The following SREK1IP1 variants were observed in gnomAD, a reference collection of about 807,000 sequenced individuals.
The protein encoded by SREK1IP1 is SREK1 interacting protein 1.
In SREK1IP1, 12 loss-of-function variants were observed where a neutral mutation model predicts 22.8. That is an observed-to-expected ratio of 0.53 (90% CI 0.34 to 0.85). SREK1IP1 has a LOEUF of 0.85. Ranked by LOEUF, SREK1IP1 falls within the 40% of genes least tolerant of loss-of-function variation. The pLI is 0.02. For missense variants in SREK1IP1, 147 were observed against 171.8 expected (o/e 0.86, Z 0.81); for synonymous variants, 53 against 52.7 (o/e 1.01, Z -0.02).
At chr5:64,748,325 G>A (rs1199695644) in intron 2 of SREK1IP1, among the ~76,000 whole-genome samples, 1 of 152,158 alleles carries the variant, frequency 6.6e-6, no homozygotes, top group Non-Finnish European at 1.5e-5. Context: ...ATAAGGGCTG[G>A]GGAAAGGAGG....
chr5:64,730,103 A>G (rs1418663251), intron 3 of SREK1IP1, among the ~76,000 whole-genome samples: 1 of 152,190 alleles, frequency 6.6e-6, no homozygotes, highest in Non-Finnish European at 1.5e-5. Context: ...CGGGCTGAGA[A>G]GAGCAAGAAG....
At chr5:64,733,822 TAGTC>T (rs1014372250) in intron 3 of SREK1IP1, among the ~76,000 whole-genome samples, 5 of 152,192 alleles carry the variant, frequency 3.3e-5, no homozygotes, top group East Asian at 1.9e-4. Flanking sequence ...AATAACGAAT[TAGTC>T]AGTCTGTAGA....
In SREK1IP1 at chr5:64,754,087, C is replaced by T. The variant is rs1545678; in HGVS notation, c.61+228G>A. On this transcript the variant is annotated intron_variant, in intron 2 of 4. Coordinates refer to ENST00000513458, the MANE Select transcript of SREK1IP1 (RefSeq NM_173829.4). ...ACTACTAACCACCTGTATCTTCATG[C>T]TACTTTTGGTAGTCATCAGATACAT... 0.33 allele frequency among the ~76,000 whole-genome samples: 50,036 copies of T among 152,106 alleles called. 8,620 individuals are homozygous for T. The highest frequency in any genetic ancestry group is 0.51 in the East Asian group (2,645 of 5,166).
intron 2 of SREK1IP1, among the ~76,000 whole-genome samples, chr5:64,745,341 A>T (rs1281361421): frequency 1.3e-5 from 2 of 152,220 alleles, no homozygotes; most frequent in Non-Finnish European, 1.5e-5. Flanking sequence ...CTGTAATACC[A>T]GCACTTAGGG....
At chr5:64,747,369 T>C (rs998640920) in intron 2 of SREK1IP1, among the ~76,000 whole-genome samples, 12 of 152,122 alleles carry the variant, frequency 7.9e-5, no homozygotes, top group African/African-American at 2.7e-4. Flanking sequence ...ATCGCCTTAT[T>C]AGTATAAACT....
intron 1 of SREK1IP1, among the ~76,000 whole-genome samples, chr5:64,761,469 C>G (rs1186716618): frequency 6.6e-6 from 1 of 152,182 alleles, no homozygotes; most frequent in Non-Finnish European, 1.5e-5. Context: ...GTGATATAGC[C>G]TGCTATACAC....
chr5:64,741,157 G>A lies in SREK1IP1; in HGVS notation c.105C>T (p.Asp35=), dbSNP rs1406704165. The A allele has an allele frequency of 6.2e-7, 1 of 1,612,266 alleles. No homozygotes were observed. Among genetic ancestry groups the A allele is most frequent in the Non-Finnish European group, 8.5e-7 (1 of 1,179,028 alleles). Residue 35 remains aspartate (D), a synonymous_variant, in exon 3 of 5, where the codon GAC becomes GAT. Transcript: ENST00000513458. The part of the protein sequence containing the change: ...TFECRNFLRV[D]PKRDIVLDVS... Reference sequence around the variant, plus strand: ...CATCCAAAACTATGTCCCTTTTAGGGTCTACTCGGAGAAAATTGCGGCATT... The same window carrying A: ...CATCCAAAACTATGTCCCTTTTAGGATCTACTCGGAGAAAATTGCGGCATT...
intron 3 of SREK1IP1, among the ~76,000 whole-genome samples, chr5:64,729,211 T>C (rs1742331233): frequency 6.6e-6 from 1 of 152,228 alleles, no homozygotes; most frequent in African/African-American, 2.4e-5. Context: ...TGCTTATGTG[T>C]CAAGTACTGT....
At chr5:64,747,993 T>C (rs1291152432) in intron 2 of SREK1IP1, among the ~76,000 whole-genome samples, 2 of 152,196 alleles carry the variant, frequency 1.3e-5, no homozygotes, top group Non-Finnish European at 2.9e-5. Context: ...ATTCTGCTCC[T>C]ATGTACATAC....
At chr5:64,726,722 T>C (rs1386203938) in intron 4 of SREK1IP1, among the ~76,000 whole-genome samples, 5 of 152,130 alleles carry the variant, frequency 3.3e-5, no homozygotes, top group African/African-American at 1.2e-4. Flanking sequence ...TTAAATATGC[T>C]CAGAACACTT....
At chr5:64,751,557 TG>T (rs1334249962) in intron 2 of SREK1IP1, among the ~76,000 whole-genome samples, 2 of 152,190 alleles carry the variant, frequency 1.3e-5, no homozygotes, top group African/African-American at 2.4e-5. Context: ...CATTGGCATT[TG>T]GGGCCAGAAT....
chr5:64,757,861 CTTTTTTT>C (rs59456636), intron 1 of SREK1IP1, among the ~76,000 whole-genome samples: 11 of 72,962 alleles, frequency 1.5e-4, no homozygotes, highest in East Asian at 9.3e-4. Context: ...AGGTTCCTAT[CTTTTTTT>C]TTTTTTTTTT....
At chr5:64,740,944 G>C in intron 3 of SREK1IP1, 113 bp downstream of exon 3, 1 of 954,790 alleles carries the variant, frequency 1.0e-6, no homozygotes, top group Non-Finnish European at 1.5e-6. Flanking sequence ...TTCCTATGCA[G>C]TAGCTCTTAC....
intron 3 of SREK1IP1, among the ~76,000 whole-genome samples, chr5:64,730,356 T>C (rs1580538706): frequency 1.3e-5 from 2 of 152,198 alleles, no homozygotes; most frequent in South Asian, 4.2e-4. Flanking sequence ...TGATGAGAAG[T>C]TTAGCTAGAA....
At chr5:64,748,407 G>A (rs7735672) in intron 2 of SREK1IP1, among the ~76,000 whole-genome samples, 9,582 of 152,140 alleles carry the variant, frequency 0.063, 975 homozygotes, top group African/African-American at 0.22. Context: ...TAGTAACGAT[G>A]GCTTTACAAC....
chr5:64,736,447 G>A (rs2112093289), intron 3 of SREK1IP1, among the ~76,000 whole-genome samples: 1 of 151,830 alleles, frequency 6.6e-6, no homozygotes, highest in South Asian at 2.1e-4. Flanking sequence ...TTGTTAGTAG[G>A]TGCATAAACA....
At position 64,732,314 on chromosome 5, in the gene SREK1IP1, C is replaced by T. The variant is rs1346525005; in HGVS notation, c.206-4135G>A. On this transcript the variant is annotated intron_variant, in intron 3 of 4. Transcript: ENST00000513458. The stretch of plus-strand genomic sequence containing the variant: ...ACAAAACACTCTATCAGCTCAGGTT[C>T]GTATTTGCAAATGACCTGACAATTT... 2.6e-5 allele frequency among the ~76,000 whole-genome samples: 4 copies of T among 152,010 alleles called. 1 individual carries two copies. Among genetic ancestry groups the T allele is most frequent in the South Asian group, 2.1e-4 (1 of 4,824 alleles).
At chr5:64,768,441 T>TA (rs1440882410) in intron 1 of SREK1IP1, 64 bp downstream of exon 1, 30 of 1,559,440 alleles carry the variant, frequency 1.9e-5, no homozygotes, top group Non-Finnish European at 2.5e-5. Flanking sequence ...CGCCGCACCC[T>TA]ACCCTACCCT....
intron 3 of SREK1IP1, among the ~76,000 whole-genome samples, chr5:64,734,577 C>T (rs7719186): frequency 0.067 from 10,131 of 151,478 alleles, 1,099 homozygotes; most frequent in African/African-American, 0.23. Context: ...CGTATCTTTA[C>T]TTATTTCTTT....
Sources: gnomAD v4.1 joint callset for allele counts (sites outside exome capture counted in the v4.1 genomes callset) on GRCh38, gnomAD v4.1.1 for gene constraint, MANE v1.5 for transcripts, NCBI Gene and HGNC (gene_info 2026-07-23, HGNC 2026-07-21) for gene names.